Variants in ST18 observed in about 807,000 individuals in gnomAD.
The protein encoded by ST18 is suppression of tumorigenicity 18 protein.
Under a neutral mutation model 110.0 loss-of-function variants are expected in ST18, and 50 were observed. The observed-to-expected ratio is 0.45, with a 90% CI of 0.36 to 0.58. ST18 has a LOEUF of 0.58. Ranked by LOEUF, ST18 falls within the 20% of genes least tolerant of loss-of-function variation. The pLI, the probability that ST18 is intolerant of heterozygous loss-of-function variation, is 0.00. For missense variants in ST18, 1,306 were observed against 1,280.1 expected, an observed-to-expected ratio of 1.02 and a Z score of -0.31; for synonymous variants, 461 against 452.4, an observed-to-expected ratio of 1.02 and a Z score of -0.24.
chr8:52,157,796 T>C (rs1440206185), intron 15 of ST18, among the ~76,000 whole-genome samples: 1 of 152,240 alleles, frequency 6.6e-6, no homozygotes, highest in Non-Finnish European at 1.5e-5. Context: ...AGTGGCACCG[T>C]GTTACCTGCT....
intron 2 of ST18, among the ~76,000 whole-genome samples, chr8:52,309,834 G>A (rs1332724137): frequency 6.6e-6 from 1 of 152,000 alleles, no homozygotes; most frequent in Non-Finnish European, 1.5e-5. Context: ...TCCAGAGTCA[G>A]CAGCTCAATC....
At chr8:52,381,593 C>G (rs1255424152) in intron 2 of ST18, among the ~76,000 whole-genome samples, 3 of 152,156 alleles carry the variant, frequency 2.0e-5, no homozygotes, top group African/African-American at 7.2e-5. Flanking sequence ...ATATATTTTG[C>G]CATCCCCCAA....
intron 25 of ST18, 143 bp from the exon 26 acceptor site, chr8:52,113,481 G>A (rs2041199067): frequency 1.2e-6 from 1 of 807,802 alleles, no homozygotes; most frequent in Non-Finnish European, 2.0e-6. Flanking sequence ...GCAGGGGATG[G>A]AGAGAGACGG....
intron 2 of ST18, among the ~76,000 whole-genome samples, chr8:52,274,830 T>C (rs1337322915): frequency 6.6e-6 from 1 of 152,234 alleles, no homozygotes; most frequent in Non-Finnish European, 1.5e-5. Context: ...TAATAATTCT[T>C]GTATTTTTCC....
chr8:52,131,701 A>T (rs1319000585), intron 22 of ST18, among the ~76,000 whole-genome samples: 2 of 152,236 alleles, frequency 1.3e-5, no homozygotes, highest in East Asian at 3.8e-4. Flanking sequence ...CCTAAGCAAT[A>T]TTTTAGAATA....
At position 52,149,923 on chromosome 8, in the gene ST18, T is replaced by A. The variant is rs920859386; in HGVS notation, c.1861A>T (p.Asn621Tyr). Residue 621 changes from asparagine to tyrosine, a missense_variant, in exon 16 of 26, where the codon AAT becomes TAT. Coordinates refer to ENST00000689386, the MANE Select transcript of ST18 (RefSeq NM_001352837.2). ...GGTGCAGACTTGTCCAGGATTCGATTTTTTTTCATGCTTAAGTCCAATGTG... is the reference window on the plus strand; with the variant it reads ...GGTGCAGACTTGTCCAGGATTCGATATTTTTTCATGCTTAAGTCCAATGTG... ...NGTLDLSMKK[N>Y]RILDKSAPLT... 11 of 1,614,148 alleles carry A rather than the reference T, an allele frequency of 6.8e-6. No homozygotes were observed. The highest frequency in any genetic ancestry group is 9.3e-6 in the Non-Finnish European group (11 of 1,180,008).
At position 52,286,991 on chromosome 8, in the gene ST18, T is replaced by TA. The variant is rs900662182; in HGVS notation, c.-464-56915dup. Among the ~76,000 whole-genome samples the TA allele has an allele frequency of 2.6e-5, 4 of 151,702 alleles. No individual in the cohort carries two copies. In the East Asian group the frequency reaches 5.8e-4, roughly 22 times the overall value. The stretch of plus-strand genomic sequence containing the variant: ...TTGAAAACCACTGGTCTAAAGAAAA[T>TA]AAAAAAAACTGAGCAAAAATCTACA... On this transcript the variant is annotated intron_variant, in intron 2 of 25. Transcript: ENST00000689386.
At chr8:52,330,596 T>G (rs1808795642) in intron 2 of ST18, among the ~76,000 whole-genome samples, 1 of 152,224 alleles carries the variant, frequency 6.6e-6, no homozygotes, top group Non-Finnish European at 1.5e-5. Flanking sequence ...TCAAGTTACT[T>G]TGATGGCTAG....
chr8:52,243,265 G>A lies in ST18; in HGVS notation c.-464-13188C>T, dbSNP rs143383835. 4.7e-4 allele frequency among the ~76,000 whole-genome samples: 72 copies of A among 152,254 alleles called. No homozygotes were observed. The East Asian group carries it at 0.013, about 29-fold the overall frequency. ...AGTTCATGGAGTTATAGAATTTGGG[G>A]GATGAAAATGTCTCCAGGGGTCCCC... On this transcript the variant is annotated intron_variant, in intron 2 of 25. Transcript: ENST00000689386.
At chr8:52,384,059 C>T (rs1326698394) in intron 2 of ST18, among the ~76,000 whole-genome samples, 1 of 152,224 alleles carries the variant, frequency 6.6e-6, no homozygotes, top group African/African-American at 2.4e-5. Flanking sequence ...CTATACCATA[C>T]TCAGGATATG....
chr8:52,314,979 G>C (rs776649235), intron 2 of ST18, among the ~76,000 whole-genome samples: 5 of 152,272 alleles, frequency 3.3e-5, no homozygotes, highest in Non-Finnish European at 7.4e-5. Context: ...CATGAACCCT[G>C]GCCCCCACTG....
chr8:52,173,683 A>G (rs1487463863), intron 9 of ST18, among the ~76,000 whole-genome samples: 4 of 152,160 alleles, frequency 2.6e-5, no homozygotes, highest in Non-Finnish European at 5.9e-5. Flanking sequence ...CAGTGCCCAG[A>G]CATCCAAAAA....
In ST18 at chr8:52,133,315, GA is replaced by G; in HGVS notation, c.2301-15del. 1 of 1,614,126 alleles carries G rather than the reference GA, an allele frequency of 6.2e-7. No individual in the cohort carries two copies. Among genetic ancestry groups the G allele is most frequent in the Non-Finnish European group, 8.5e-7 (1 of 1,180,022 alleles). On this transcript the variant is annotated splice_polypyrimidine_tract_variant and intron_variant, in intron 19 of 25. Transcript: ENST00000689386. ...GGGGTTGGACACCTGGAAGGCACAG[GA>G]AGAGAGCATGGGCTGAGAAGTTGTA...
intron 2 of ST18, among the ~76,000 whole-genome samples, chr8:52,401,299 G>A (rs1414732866): frequency 6.6e-6 from 1 of 151,930 alleles, no homozygotes; most frequent in Admixed American, 6.6e-5. Flanking sequence ...ATATGACTTG[G>A]TGGGGCCCTC....
At chr8:52,280,458 CACTTG>C (rs776755648) in intron 2 of ST18, among the ~76,000 whole-genome samples, 2 of 151,818 alleles carry the variant, frequency 1.3e-5, no homozygotes, top group African/African-American at 2.4e-5. Flanking sequence ...CATGTATATA[CACTTG>C]TGTTTATATG....
At chr8:52,190,333 C>T (rs1048205572) in intron 8 of ST18, among the ~76,000 whole-genome samples, 6 of 152,068 alleles carry the variant, frequency 3.9e-5, no homozygotes, top group Admixed American at 2.6e-4. Context: ...ATGTCCCAAG[C>T]GTTTCAGATA....
At chr8:52,142,853 G>T in intron 17 of ST18, 77 bp downstream of exon 17, 1 of 1,103,354 alleles carries the variant, frequency 9.1e-7, no homozygotes. Flanking sequence ...GTATAAGCCA[G>T]GATATTGTAA....
intron 2 of ST18, among the ~76,000 whole-genome samples, chr8:52,344,696 C>T (rs1272287603): frequency 6.6e-6 from 1 of 152,188 alleles, no homozygotes; most frequent in East Asian, 1.9e-4. Flanking sequence ...CCACCGTGCC[C>T]AGCCAATAAC....
chr8:52,346,705 C>T (rs763331697), intron 2 of ST18, among the ~76,000 whole-genome samples: 1 of 152,024 alleles, frequency 6.6e-6, no homozygotes, highest in African/African-American at 2.4e-5. Context: ...TTTTTTTAAC[C>T]TAGAATGTTA....
Sources: allele counts gnomAD v4.1 joint callset (sites outside exome capture counted in the v4.1 genomes callset), GRCh38; gene constraint gnomAD v4.1.1; transcripts MANE v1.5; gene names NCBI Gene and HGNC (gene_info 2026-07-23, HGNC 2026-07-21).